The following TBX10 variants were observed in gnomAD, a reference collection of about 807,000 sequenced individuals.
The protein encoded by TBX10 is T-box transcription factor TBX10.
Under a neutral mutation model 32.4 loss-of-function variants are expected in TBX10, and 26 were observed. That is an observed-to-expected ratio of 0.80 (90% CI 0.59 to 1.11). The LOEUF is 1.11. TBX10 is among the 50% of genes most tolerant of loss of function. The pLI, the probability that TBX10 is intolerant of heterozygous loss-of-function variation, is 0.00. For missense variants in TBX10, 490 were observed against 494.5 expected (o/e 0.99, Z 0.09); for synonymous variants, 195 against 203.1 (o/e 0.96, Z 0.34).
chr11:67,632,459 C>G (rs770769631), intron 6 of TBX10, 47 bp from the exon 7 acceptor site: 5 of 1,599,630 alleles, frequency 3.1e-6, no homozygotes, highest in Non-Finnish European at 4.3e-6. Context: ...GGGGAAGAAC[C>G]CAGGCCAGGG....
chr11:67,631,737 C>T lies in TBX10; in HGVS notation c.1026G>A (p.Arg342=), dbSNP rs763866445. The change falls in exon 8 of 8, where the codon AGG becomes AGA. Residue 342 remains arginine, a synonymous_variant. Coordinates refer to ENST00000335385, the MANE Select transcript of TBX10 (RefSeq NM_005995.5). The part of the protein sequence containing the change: ...SGAPSHLGIP[R]TRPAPYPLPN... Reference sequence around the variant, plus strand: ...GGAGGGGGTATGGTGCTGGTCGGGTCCTTGGGATCCCTAGGTGGCTCGGGG... The same window carrying T: ...GGAGGGGGTATGGTGCTGGTCGGGTTCTTGGGATCCCTAGGTGGCTCGGGG... 4.3e-6 allele frequency: 7 copies of T among 1,610,204 alleles called. No homozygotes were observed. In the South Asian group the frequency reaches 7.8e-5, roughly 18 times the overall value.
chr11:67,634,865 C>T lies in TBX10; in HGVS notation c.328G>A (p.Asp110Asn), dbSNP rs767968201. Residue 110 changes from aspartate to asparagine, a missense_variant, in exon 3 of 8, where the codon GAC becomes AAC. Asp to Asn is a conservative substitution (Grantham distance 23). This residue lies in a region of TBX10 where 307 missense variants were observed against 294.9 expected (regional missense o/e 1.04). Coordinates refer to ENST00000335385, the MANE Select transcript of TBX10 (RefSeq NM_005995.5). ...VKILGMDSLA[D>N]YALLMDFIPL... is the part of the protein sequence containing the mutation. ...ATGAAGTCCATGAGCAGGGCGTAGT[C>T]GGCCAGGGAGTCCATGCCCAGGATC... 1.4e-5 allele frequency: 23 copies of T among 1,613,380 alleles called. No homozygotes were observed. Among genetic ancestry groups the T allele is most frequent in the African/African-American group, 8.0e-5 (6 of 74,930 alleles).
intron 3 of TBX10, 75 bp from the exon 4 acceptor site, chr11:67,634,435 G>A (rs926794665): frequency 7.7e-6 from 12 of 1,552,214 alleles, no homozygotes; most frequent in East Asian, 2.3e-5. Flanking sequence ...GGGTGAAGGG[G>A]CTGCTGCCGA....
chr11:67,640,300 T>G (rs1855388161), upstream of TBX10, among the ~76,000 whole-genome samples: 1 of 152,238 alleles, frequency 6.6e-6, no homozygotes, highest in Non-Finnish European at 1.5e-5. Context: ...TCTCCGTGCC[T>G]CAGCCTCCCC....
chr11:67,640,433 T>TCTGGACATGAGTGGAAACGGTGAGG (rs1855389638), upstream of TBX10, among the ~76,000 whole-genome samples: 1 of 152,106 alleles, frequency 6.6e-6, no homozygotes, highest in Non-Finnish European at 1.5e-5. Context: ...GGAATCCCCA[T>TCTGGACATGAGTGGAAACGGTGAGG]CTGGACATGA....
At chr11:67,632,794 A>G in intron 5 of TBX10, 124 bp from the exon 6 acceptor site, 3 of 1,543,298 alleles carry the variant, frequency 1.9e-6, no homozygotes, top group Non-Finnish European at 2.7e-6. Context: ...CTCTGAGCTG[A>G]TAGGAGTGCG....
rs2134100343 is a variant in TBX10 at position 67,635,214 on chromosome 11, G to A, written c.57C>T (p.Pro19=). The change falls in exon 2 of 8, where the codon CCC becomes CCT. Residue 19 remains proline, a synonymous_variant. Coordinates refer to ENST00000335385, the MANE Select transcript of TBX10 (RefSeq NM_005995.5). ...CCCAGCCAGAGCTGGTTGTAGGTAGGGGGTAGGTCTCTGAGGGTGCAAGTA... is the reference window on the plus strand; with the variant it reads ...CCCAGCCAGAGCTGGTTGTAGGTAGAGGGTAGGTCTCTGAGGGTGCAAGTA... ...LGILAPSETY[P]LPTTSSGWEP... 1 of 1,613,814 alleles carries A rather than the reference G, an allele frequency of 6.2e-7. No homozygotes were observed. The highest frequency in any genetic ancestry group is 1.1e-5 in the South Asian group (1 of 91,088).
chr11:67,633,715 C>A (rs1358243152), intron 4 of TBX10, among the ~76,000 whole-genome samples: 1 of 152,244 alleles, frequency 6.6e-6, no homozygotes, highest in East Asian at 1.9e-4. Flanking sequence ...TCCCTGCGCC[C>A]CCTGAGAGCA....
Position 67,634,329 on chromosome 11 carries a change from C to A in TBX10, c.409G>T (p.Ala137Ser). Residue 137 changes from alanine to serine, a missense_variant, in exon 4 of 8, where the codon GCG becomes TCG. This residue lies in a region of TBX10 where 307 missense variants were observed against 294.9 expected (regional missense o/e 1.04). Coordinates refer to ENST00000335385, the MANE Select transcript of TBX10 (RefSeq NM_005995.5). ...YAFHSSAWLV[A>S]GKADPATPGR... is the part of the protein sequence containing the mutation. ...GGTGTGGCTGGGTCTGCCTTGCCCG[C>A]CACCAGCCAGGCCGAGCTGTGGAAG... 1 of 1,606,762 alleles carries A rather than the reference C, an allele frequency of 6.2e-7. No individual in the cohort carries two copies. The highest frequency in any genetic ancestry group is 8.5e-7 in the Non-Finnish European group (1 of 1,179,830).
chr11:67,638,708 G>T (rs770666905), intron 1 of TBX10, among the ~76,000 whole-genome samples: 12 of 152,228 alleles, frequency 7.9e-5, no homozygotes, highest in Non-Finnish European at 1.6e-4. Context: ...GATTTCTGCA[G>T]CCTCGCGGGG....
Position 67,634,883 on chromosome 11 carries a change from C to A in TBX10, c.310G>T (p.Gly104Cys), listed in dbSNP as rs1477087870. Reference protein sequence around the residue: ...MFPPFQVKILGMDSLADYALL... With the variant: ...MFPPFQVKILCMDSLADYALL... ...GCGTAGTCGGCCAGGGAGTCCATGC[C>A]CAGGATCTTCACCTGGAAGGGGGGG... Residue 104 changes from glycine (G) to cysteine (C), a missense_variant, in exon 3 of 8, where the codon GGC becomes TGC. By Grantham distance (159) the Gly-to-Cys change is radical. This residue lies in a region of TBX10 where 307 missense variants were observed against 294.9 expected (regional missense o/e 1.04). Coordinates refer to ENST00000335385, the MANE Select transcript of TBX10 (RefSeq NM_005995.5). 1 of 1,613,462 alleles carries A rather than the reference C, an allele frequency of 6.2e-7. No homozygotes were observed. The highest frequency in any genetic ancestry group is 2.2e-5 in the East Asian group (1 of 44,878).
At chr11:67,637,076 C>T (rs1480005939) in intron 1 of TBX10, among the ~76,000 whole-genome samples, 1 of 152,186 alleles carries the variant, frequency 6.6e-6, no homozygotes, top group African/African-American at 2.4e-5. Context: ...CGAAATGAGC[C>T]AGACACCAAA....
At position 67,639,215 on chromosome 11, in the gene TBX10, C is replaced by T. The variant is rs189641987; in HGVS notation, c.7+251G>A. ...AGGAGCTGGGGCTCAGGGAGAGGCCCGAGGTCACACGTGCCCAGTGAGGCG... is the reference window on the plus strand; with the variant it reads ...AGGAGCTGGGGCTCAGGGAGAGGCCTGAGGTCACACGTGCCCAGTGAGGCG... On this transcript the variant is annotated intron_variant, in intron 1 of 7. Transcript: ENST00000335385. Among the ~76,000 whole-genome samples, 120 of 152,292 alleles carry T rather than the reference C, an allele frequency of 7.9e-4. 2 individuals are homozygous for T. In the East Asian group the frequency reaches 0.017, roughly 22 times the overall value.
chr11:67,633,727 C>G (rs1565233759), intron 4 of TBX10, among the ~76,000 whole-genome samples: 1 of 152,244 alleles, frequency 6.6e-6, no homozygotes, highest in South Asian at 2.1e-4. Context: ...CTGAGAGCAG[C>G]AGCACCCTTT....
chr11:67,631,583 CT>C lies in TBX10; in HGVS notation c.*21del. 1 of 1,581,376 alleles carries C rather than the reference CT, an allele frequency of 6.3e-7. No individual in the cohort carries two copies. Among genetic ancestry groups the C allele is most frequent in the Non-Finnish European group, 8.5e-7 (1 of 1,170,382 alleles). ...CGGTGTAAGGTCCAGGGTAGCAGGG[CT>C]TCCCCCCAGGGCTTCTGGCATCACT... On this transcript the variant is annotated 3_prime_UTR_variant, in exon 8 of 8. Coordinates refer to ENST00000335385, the MANE Select transcript of TBX10 (RefSeq NM_005995.5).
At chr11:67,637,451 G>C (rs756474345) in intron 1 of TBX10, among the ~76,000 whole-genome samples, 1 of 152,172 alleles carries the variant, frequency 6.6e-6, no homozygotes, top group Non-Finnish European at 1.5e-5. Flanking sequence ...ATAACCTGAC[G>C]TGTCCACCCT....
At chr11:67,637,929 C>T (rs1284064324) in intron 1 of TBX10, among the ~76,000 whole-genome samples, 4 of 152,052 alleles carry the variant, frequency 2.6e-5, no homozygotes, top group South Asian at 2.1e-4. Flanking sequence ...TAAGGTGGGC[C>T]GGGCGCGGTG....
Position 67,632,403 on chromosome 11 carries a change from G to A in TBX10, c.783C>T (p.Ala261=). 2 of 1,612,548 alleles carry A rather than the reference G, an allele frequency of 1.2e-6. No individual in the cohort carries two copies. Among genetic ancestry groups the A allele is most frequent in the East Asian group, 4.5e-5 (2 of 44,882 alleles). The change falls in exon 7 of 8, where the codon GCC becomes GCT. Residue 261 remains alanine (A), a synonymous_variant. Coordinates refer to ENST00000335385, the MANE Select transcript of TBX10 (RefSeq NM_005995.5). ...RESDLDSWPV[A]PRPLLSVPAR... Reference sequence around the variant, plus strand: ...CTGGGACACTGAGCAGGGGCCGTGGGGCCACAGGCCTGAAAGAGCAAGCGA... The same window carrying A: ...CTGGGACACTGAGCAGGGGCCGTGGAGCCACAGGCCTGAAAGAGCAAGCGA...
upstream of TBX10, among the ~76,000 whole-genome samples, chr11:67,640,957 C>T (rs1023195665): frequency 6.6e-6 from 1 of 152,114 alleles, no homozygotes; most frequent in East Asian, 1.9e-4. Flanking sequence ...GAGGGCCGGC[C>T]CCTGGCCCAA....
Sources: allele counts gnomAD v4.1 joint callset (sites outside exome capture counted in the v4.1 genomes callset), GRCh38; gene constraint gnomAD v4.1.1; regional missense constraint gnomAD v4.1.1; transcripts MANE v1.5; gene names NCBI Gene and HGNC (gene_info 2026-07-23, HGNC 2026-07-21).